Variants in RBM26 observed in about 807,000 individuals in gnomAD.
RBM26 encodes the protein RNA-binding protein 26.
A neutral mutation model predicts 123.6 loss-of-function variants in RBM26; 30 were observed. The observed-to-expected ratio is 0.24, with a 90% CI of 0.18 to 0.33. RBM26 has a LOEUF of 0.33. Ranked by LOEUF, RBM26 falls within the 10% of genes least tolerant of loss-of-function variation. RBM26 has a pLI of 1.00. For synonymous variants in RBM26, 400 were observed against 404.4 expected (o/e 0.99, Z 0.13); for missense variants, 947 against 1,203.6 (o/e 0.79, Z 3.15).
intron 11 of RBM26, among the ~76,000 whole-genome samples, chr13:79,356,384 A>AC (rs1555316495): frequency 7.1e-5 from 2 of 27,996 alleles, no homozygotes; most frequent in African/African-American, 3.3e-4. Context: ...AAAAAAAAAA[A>AC]CAAACAAAAA....
At chr13:79,358,615 T>C (rs1403119500) in intron 10 of RBM26, among the ~76,000 whole-genome samples, 182 bp from the exon 11 acceptor site, 4 of 152,346 alleles carry the variant, frequency 2.6e-5, no homozygotes, top group Admixed American at 2.0e-4. Context: ...ATGAACACTG[T>C]TAGTATCTTT....
chr13:79,405,233 G>C (rs1002461145), intron 1 of RBM26, among the ~76,000 whole-genome samples: 7 of 152,236 alleles, frequency 4.6e-5, no homozygotes, highest in East Asian at 1.9e-4. Context: ...TCAGTGAAGA[G>C]AGGTGCAGAT....
intron 5 of RBM26, among the ~76,000 whole-genome samples, chr13:79,370,286 A>C (rs2075748190): frequency 6.6e-6 from 1 of 152,212 alleles, no homozygotes; most frequent in Non-Finnish European, 1.5e-5. Flanking sequence ...ACTGCACTCC[A>C]GCCTGGGCGA....
rs554363415 is a variant in RBM26 at position 79,353,112 on chromosome 13, T to C, written c.2058+41A>G. 3.9e-6 allele frequency: 5 copies of C among 1,277,030 alleles called. No individual in the cohort carries two copies. The South Asian group carries it at 7.2e-5, about 18-fold the overall frequency. The allele number at this position is 1,277,030 out of a possible 1,614,324, so 79.1% of individuals were successfully genotyped here. A position where few individuals can be genotyped will look rare whatever the true frequency, so the allele number is the denominator to read the frequency against. On this transcript the variant is annotated intron_variant, in intron 14 of 21. Coordinates refer to ENST00000438737, the MANE Select transcript of RBM26 (RefSeq NM_001366735.2). ...AAAATTAAGATGCCACCTGAAAACA[T>C]TTATGAAGCCAAGACAAACACATCA...
chr13:79,365,498 C>A (rs751373958), intron 9 of RBM26, 80 bp downstream of exon 9: 12 of 1,154,704 alleles, frequency 1.0e-5, no homozygotes, highest in Middle Eastern at 2.0e-4. Flanking sequence ...CCAATAAAGG[C>A]AAGACCAACT....
At chr13:79,340,727 G>C (rs2071237605) in intron 18 of RBM26, among the ~76,000 whole-genome samples, 1 of 151,866 alleles carries the variant, frequency 6.6e-6, no homozygotes, top group Admixed American at 6.6e-5. Flanking sequence ...CTTCAAAATA[G>C]TTCTCAATAT....
In RBM26 at chr13:79,320,650, C is replaced by A. The variant is rs1278553638; in HGVS notation, c.2995G>T (p.Asp999Tyr). Residue 999 changes from aspartate to tyrosine, a missense_variant, in exon 22 of 22, where the codon GAC (aspartate) becomes TAC (tyrosine). Coordinates refer to ENST00000438737, the MANE Select transcript of RBM26 (RefSeq NM_001366735.2). The part of the protein sequence containing the change: ...LLQDDDEEEE[D>Y]NESRSWRR ...CTTCTCCAAGAACGAGATTCATTGT[C>A]CTCTTCTTCTTCATCATCATCTTGA... The A allele has an allele frequency of 1.3e-6, 2 of 1,599,798 alleles. No individual in the cohort carries two copies. Among genetic ancestry groups the A allele is most frequent in the Non-Finnish European group, 1.7e-6 (2 of 1,173,704 alleles).
downstream of RBM26, among the ~76,000 whole-genome samples, chr13:79,317,948 C>T (rs1195083023): frequency 6.6e-6 from 1 of 151,596 alleles, no homozygotes; most frequent in Non-Finnish European, 1.5e-5. Flanking sequence ...ATAAGCCTGG[C>T]TTTGTGATAA....
chr13:79,349,584 T>C (rs1373093570), intron 14 of RBM26, among the ~76,000 whole-genome samples: 1 of 152,058 alleles, frequency 6.6e-6, no homozygotes, highest in Non-Finnish European at 1.5e-5. Flanking sequence ...AATAAATTAA[T>C]TTCATATTTT....
At chr13:79,314,882 G>C (rs1318412389), downstream of RBM26, 1 of 745,140 alleles carries the variant, frequency 1.3e-6, no homozygotes, top group Admixed American at 2.9e-5. Context: ...AATTGATAAA[G>C]AGTGAACATA....
downstream of RBM26, among the ~76,000 whole-genome samples, chr13:79,315,241 T>C (rs543544568): frequency 1.3e-5 from 2 of 151,926 alleles, no homozygotes; most frequent in Admixed American, 6.6e-5. Context: ...AACATATCTA[T>C]GGTCTAAAAT....
chr13:79,364,030 G>C (rs914847891), intron 9 of RBM26, among the ~76,000 whole-genome samples: 3 of 152,096 alleles, frequency 2.0e-5, no homozygotes, highest in African/African-American at 7.2e-5. Context: ...ACAGGTTCAG[G>C]ATATAGGTAA....
chr13:79,335,815 AT>A (rs1351986718), intron 19 of RBM26, among the ~76,000 whole-genome samples: 1 of 152,108 alleles, frequency 6.6e-6, no homozygotes, highest in African/African-American at 2.4e-5. Context: ...TAGTTTCCTG[AT>A]TAGCTGTAAA....
chr13:79,386,118 A>C (rs996427343), intron 1 of RBM26, among the ~76,000 whole-genome samples: 9 of 151,738 alleles, frequency 5.9e-5, no homozygotes, highest in African/African-American at 1.9e-4. Context: ...CACAAAAACT[A>C]TTTTTCCAAA....
Position 79,386,436 on chromosome 13 carries a change from G to A in RBM26, c.72-7529C>T, listed in dbSNP as rs190569573. On this transcript the variant is annotated intron_variant, in intron 1 of 21. Transcript: ENST00000438737. ...ATTAAATAAAAAAAAAAAAAGAAGT[G>A]CCCATTAAGTGTCAAAGACCCAATA... Among the ~76,000 whole-genome samples, 538 of 150,106 alleles carry A rather than the reference G, an allele frequency of 3.6e-3. 2 individuals carry two copies. Among genetic ancestry groups the A allele is most frequent in the Non-Finnish European group, 4.7e-3 (317 of 67,538 alleles).
rs114103355 is a variant in RBM26 at position 79,360,267 on chromosome 13, C to T, written c.1418-581G>A. Among the ~76,000 whole-genome samples, 1,140 of 152,048 alleles carry T rather than the reference C, an allele frequency of 7.5e-3. 8 individuals carry two copies. The highest frequency in any genetic ancestry group is 0.025 in the African/African-American group (1,051 of 41,464). On this transcript the variant is annotated intron_variant, in intron 9 of 21. Transcript: ENST00000438737. ...GTTTGGTACTCTGTGGTTTTACACA[C>T]GAGGAGTCTTGGAACATATCACCCA...
At chr13:79,379,031 C>T in intron 1 of RBM26, 124 bp from the exon 2 acceptor site, 1 of 627,674 alleles carries the variant, frequency 1.6e-6, no homozygotes, top group Non-Finnish European at 2.8e-6. Context: ...GCACCCGGGT[C>T]ACAGAGGACC....
intron 6 of RBM26, 95 bp downstream of exon 6, chr13:79,368,634 AG>A (rs2139966056): frequency 8.4e-7 from 1 of 1,195,552 alleles, no homozygotes; most frequent in South Asian, 1.6e-5. Context: ...CACTTTTCAG[AG>A]GTAAGTCTTT....
chr13:79,383,713 A>G (rs2077250603), intron 1 of RBM26, among the ~76,000 whole-genome samples: 1 of 152,200 alleles, frequency 6.6e-6, no homozygotes, highest in Non-Finnish European at 1.5e-5. Flanking sequence ...ACATACGTTT[A>G]TAGTATGTAT....
Sources: gnomAD v4.1 joint callset for allele counts (sites outside exome capture counted in the v4.1 genomes callset) on GRCh38, gnomAD v4.1.1 for gene constraint, MANE v1.5 for transcripts, NCBI Gene and HGNC (gene_info 2026-07-23, HGNC 2026-07-21) for gene names.